Variants in RELN observed in about 807,000 individuals in gnomAD.
RELN encodes reelin.
A neutral mutation model predicts 427.6 loss-of-function variants in RELN; 108 were observed. That is an observed-to-expected ratio of 0.25 (90% CI 0.22 to 0.30). The LOEUF (loss-of-function observed/expected upper bound fraction) is 0.30. Ranked by LOEUF, RELN falls within the 10% of genes least tolerant of loss-of-function variation. The pLI is 1.00. For missense variants in RELN, 3,715 were observed against 4,302.8 expected, an observed-to-expected ratio of 0.86 and a Z score of 3.82; for synonymous variants, 1,524 against 1,513.4, an observed-to-expected ratio of 1.01 and a Z score of -0.16.
intron 3 of RELN, among the ~76,000 whole-genome samples, chr7:103,800,746 G>A (rs374784112): frequency 1.6e-4 from 24 of 152,030 alleles, no homozygotes; most frequent in African/African-American, 3.6e-4. Flanking sequence ...TAATTAAAGT[G>A]AAGAGCTTCT....
Position 103,530,739 on chromosome 7 carries a change from C to A in RELN, c.7349+4577G>T, listed in dbSNP as rs191984122. Among the ~76,000 whole-genome samples, 13 of 152,222 alleles carry A rather than the reference C, an allele frequency of 8.5e-5. No homozygotes were observed. The East Asian group carries it at 2.1e-3, about 25-fold the overall frequency. Reference sequence around the variant, plus strand: ...CTGATTTAGTGTTCTTTCATTTACCCACCTAATTCCTAGCCATCCTTCAAG... The same window carrying A: ...CTGATTTAGTGTTCTTTCATTTACCAACCTAATTCCTAGCCATCCTTCAAG... On this transcript the variant is annotated intron_variant, in intron 46 of 64. Coordinates refer to ENST00000428762, the MANE Select transcript of RELN (RefSeq NM_005045.4).
chr7:103,691,351 A>G (rs1425912635), intron 10 of RELN, among the ~76,000 whole-genome samples: 1 of 152,166 alleles, frequency 6.6e-6, no homozygotes, highest in Non-Finnish European at 1.5e-5. Context: ...AAACAGAAAG[A>G]AATATCTAAA....
At chr7:103,535,791 G>A (rs1945339350) in intron 45 of RELN, among the ~76,000 whole-genome samples, 2 of 152,018 alleles carry the variant, frequency 1.3e-5, no homozygotes, top group African/African-American at 4.8e-5. Flanking sequence ...CATGACAAAA[G>A]TACTGCTTCA....
At chr7:103,880,411 T>C (rs892764931) in intron 2 of RELN, among the ~76,000 whole-genome samples, 4 of 152,214 alleles carry the variant, frequency 2.6e-5, no homozygotes, top group African/African-American at 9.6e-5. Flanking sequence ...ATAAAGCTGC[T>C]ATTTCAAATG....
chr7:103,591,565 C>G (rs915349411), intron 27 of RELN, among the ~76,000 whole-genome samples: 4 of 151,972 alleles, frequency 2.6e-5, no homozygotes, highest in Non-Finnish European at 5.9e-5. Flanking sequence ...AAAACTTAAC[C>G]CTCTCAGATG....
chr7:103,846,375 C>G (rs192558773), intron 2 of RELN, among the ~76,000 whole-genome samples: 1 of 152,164 alleles, frequency 6.6e-6, no homozygotes, highest in Non-Finnish European at 1.5e-5. Flanking sequence ...GCTAGCCATA[C>G]GCAGAAAACT....
intron 49 of RELN, among the ~76,000 whole-genome samples, chr7:103,517,315 C>A (rs1829591394): frequency 6.6e-6 from 1 of 152,040 alleles, no homozygotes; most frequent in Non-Finnish European, 1.5e-5. Context: ...GAGCAATGAT[C>A]TTTTATCTCT....
intron 6 of RELN, among the ~76,000 whole-genome samples, chr7:103,740,489 C>T (rs1790614610): frequency 6.6e-6 from 1 of 152,138 alleles, no homozygotes; most frequent in South Asian, 2.1e-4. Context: ...TCAAACTGAA[C>T]AGATAGTACA....
Position 103,524,363 on chromosome 7 carries a change from G to A in RELN, c.7350-832C>T, listed in dbSNP as rs115276415. Among the ~76,000 whole-genome samples the A allele has an allele frequency of 3.3e-3, 505 of 152,300 alleles. 2 individuals carry two copies. The highest frequency in any genetic ancestry group is 0.012 in the African/African-American group (482 of 41,572). On this transcript the variant is annotated intron_variant, in intron 46 of 64. Transcript: ENST00000428762. ...AAAAAAAAGAGAGAGCATAATAAAT[G>A]AGACCAGACTTATTTTACATTGATA... is the stretch of plus-strand genomic sequence containing the variant.
intron 1 of RELN, among the ~76,000 whole-genome samples, chr7:103,982,071 C>A (rs568485370): frequency 6.6e-6 from 1 of 152,204 alleles, no homozygotes; most frequent in African/African-American, 2.4e-5. Flanking sequence ...AAGGCTGCGG[C>A]ACGAGAATCG....
intron 10 of RELN, among the ~76,000 whole-genome samples, chr7:103,683,140 ATTCTT>A (rs1833690548): frequency 6.6e-6 from 1 of 152,196 alleles, no homozygotes; most frequent in African/African-American, 2.4e-5. Context: ...AACATCAAAC[ATTCTT>A]TTAAGTTTTA....
In RELN at chr7:103,626,197, A is replaced by G. The variant is rs1327051581; in HGVS notation, c.2702+3743T>C. On this transcript the variant is annotated intron_variant, in intron 20 of 64. Coordinates refer to ENST00000428762, the MANE Select transcript of RELN (RefSeq NM_005045.4). This position sits in a 1 kb window ranked among gnomAD's most constrained non-coding sequence, Gnocchi z 4.4. ...CTTCTCAAAATTCCTCTTTAGTTAA[A>G]ATTATCTGGCTTTAATTTTACAAGC... 2.0e-5 allele frequency among the ~76,000 whole-genome samples: 3 copies of G among 152,094 alleles called. 1 individual carries two copies. The highest frequency in any genetic ancestry group is 4.4e-5 in the Non-Finnish European group (3 of 67,976).
rs1342895035 is a variant in RELN at position 103,515,306 on chromosome 7, T to A, written c.7998A>T (p.Gln2666His). ...DNVLISGSAD[Q>H]RTVMLDTFSS... is the part of the protein sequence containing the mutation. ...TGAAGGTGTCCAGCATAACGGTCCT[T>A]TGGTCAGCAGAGCCTGAGATGAGGA... The change falls in exon 50 of 65, where the codon CAA (glutamine) becomes CAT (histidine). Residue 2666 changes from glutamine (Q) to histidine (H), a missense_variant. Coordinates refer to ENST00000428762, the MANE Select transcript of RELN (RefSeq NM_005045.4). 1 of 1,614,096 alleles carries A rather than the reference T, an allele frequency of 6.2e-7. No homozygotes were observed. The highest frequency in any genetic ancestry group is 8.5e-7 in the Non-Finnish European group (1 of 1,179,994).
Position 103,989,152 on chromosome 7 carries a change from C to T in RELN, c.205G>A (p.Val69Ile). The change falls in exon 1 of 65, where the codon GTT becomes ATT. Residue 69 changes from valine to isoleucine, a missense_variant. Val to Ile is a conservative substitution (Grantham distance 29). Transcript: ENST00000428762. This position sits in a 1 kb window ranked among gnomAD's most constrained non-coding sequence, Gnocchi z 4.9. ...LHIAGNPTYY[V>I]PGQEYHVTIS... Reference sequence around the variant, plus strand: ...CTACCATGGTATTCTTGTCCCGGAACGTAGTAGGTGGGGTTGCCCGCAATA... The same window carrying T: ...CTACCATGGTATTCTTGTCCCGGAATGTAGTAGGTGGGGTTGCCCGCAATA... 2 of 1,613,996 alleles carry T rather than the reference C, an allele frequency of 1.2e-6. No individual in the cohort carries two copies. The highest frequency in any genetic ancestry group is 1.3e-5 in the African/African-American group (1 of 75,038).
chr7:103,609,564 A>T (rs976919431), intron 22 of RELN, among the ~76,000 whole-genome samples: 1 of 152,204 alleles, frequency 6.6e-6, no homozygotes, highest in Non-Finnish European at 1.5e-5. Flanking sequence ...CACAGTTGGA[A>T]ACAGAAAAAT....
rs192069401 is a variant in RELN, at chr7:103,839,287, T to C, written c.338-5615A>G. On this transcript the variant is annotated intron_variant, in intron 2 of 64. Coordinates refer to ENST00000428762, the MANE Select transcript of RELN (RefSeq NM_005045.4). ...TCTATGCAACTTCAAACACTATGAC[T>C]ATACAGTGGTCTTTGCTTTTTTTTT... Among the ~76,000 whole-genome samples the C allele has an allele frequency of 1.7e-3, 249 of 149,158 alleles. 1 individual carries two copies. Among genetic ancestry groups the C allele is most frequent in the African/African-American group, 5.9e-3 (241 of 40,522 alleles).
chr7:103,607,963 G>A (rs1192169531), intron 22 of RELN, among the ~76,000 whole-genome samples: 11 of 152,092 alleles, frequency 7.2e-5, no homozygotes. Flanking sequence ...CTCTACGCAG[G>A]TACATACATT....
chr7:103,832,684 T>C (rs1793303593), intron 3 of RELN, among the ~76,000 whole-genome samples: 1 of 152,142 alleles, frequency 6.6e-6, no homozygotes, highest in Non-Finnish European at 1.5e-5. Flanking sequence ...AACCATAGTG[T>C]AGTGTTTATC....
chr7:103,758,902 C>T (rs1397913680), intron 4 of RELN, among the ~76,000 whole-genome samples: 2 of 151,772 alleles, frequency 1.3e-5, no homozygotes, highest in African/African-American at 4.8e-5. Flanking sequence ...AATGCTTCAG[C>T]AACATTCTAA....
Sources: allele counts gnomAD v4.1 joint callset (sites outside exome capture counted in the v4.1 genomes callset), GRCh38; gene constraint gnomAD v4.1.1; non-coding constraint Gnocchi (gnomAD v3.1); transcripts MANE v1.5; gene names NCBI Gene and HGNC (gene_info 2026-07-23, HGNC 2026-07-21).